Variants in PRSS3 observed in about 807,000 individuals in gnomAD.
PRSS3 encodes trypsin-3.
PRSS3 carries 14 observed loss-of-function variants against 20.8 expected under a neutral mutation model. The observed-to-expected ratio is 0.67, with a 90% CI of 0.44 to 1.05. The LOEUF (loss-of-function observed/expected upper bound fraction) is 1.05. PRSS3 is among the 50% of genes least tolerant of loss of function. The pLI, the probability that PRSS3 is intolerant of heterozygous loss-of-function variation, is 0.00. For missense variants in PRSS3, 237 were observed against 306.4 expected, an observed-to-expected ratio of 0.77 and a Z score of 1.69; for synonymous variants, 91 against 117.6, an observed-to-expected ratio of 0.77 and a Z score of 1.46.
intron 1 of PRSS3, among the ~76,000 whole-genome samples, chr9:33,777,398 T>C (rs1823978779): frequency 6.7e-6 from 1 of 150,124 alleles, no homozygotes; most frequent in Non-Finnish European, 1.5e-5. Context: ...TAGTAAAGAG[T>C]CTTAGGTCGA....
chr9:33,792,335 G>A (rs1824670140), upstream of PRSS3, among the ~76,000 whole-genome samples: 1 of 150,156 alleles, frequency 6.7e-6, no homozygotes, highest in Non-Finnish European at 1.5e-5. Flanking sequence ...AGAAGAAAGT[G>A]TTAAAAAAAA....
chr9:33,751,052 T>C (rs1489041190), intron 1 of PRSS3, among the ~76,000 whole-genome samples: 1 of 152,020 alleles, frequency 6.6e-6, no homozygotes, highest in East Asian at 1.9e-4. Flanking sequence ...GGCCCTGGAA[T>C]GAATATTGCT....
At chr9:33,777,094 A>G (rs1823967920) in intron 1 of PRSS3, among the ~76,000 whole-genome samples, 1 of 152,178 alleles carries the variant, frequency 6.6e-6, no homozygotes, top group South Asian at 2.1e-4. Context: ...AATAATGATA[A>G]TTTTTCCTTT....
chr9:33,759,959 G>C (rs1823114041), intron 1 of PRSS3, among the ~76,000 whole-genome samples: 1 of 152,220 alleles, frequency 6.6e-6, no homozygotes, highest in Non-Finnish European at 1.5e-5. Flanking sequence ...GAGTCTGTCT[G>C]TAAGCTTGAG....
chr9:33,798,307 G>A, intron 3 of PRSS3, 179 bp from the exon 4 acceptor site: 2 of 1,254,104 alleles, frequency 1.6e-6, no homozygotes, highest in Non-Finnish European at 2.2e-6. Flanking sequence ...TCACGTCTTG[G>A]GAGGGGTTCA....
chr9:33,761,413 A>G (rs1823197646), intron 1 of PRSS3, among the ~76,000 whole-genome samples: 1 of 152,192 alleles, frequency 6.6e-6, no homozygotes, highest in South Asian at 2.1e-4. Context: ...TGCATTAAAC[A>G]TACGGTATTA....
intron 1 of PRSS3, among the ~76,000 whole-genome samples, chr9:33,768,934 T>C (rs1460012378): frequency 6.6e-6 from 1 of 152,166 alleles, no homozygotes; most frequent in Admixed American, 6.5e-5. Context: ...AGGAACAGCA[T>C]GTTGGTTGAA....
In PRSS3 at chr9:33,769,753, C is replaced by T. The variant is rs551428778; in HGVS notation, c.-53+19026C>T. 3.0e-4 allele frequency among the ~76,000 whole-genome samples: 45 copies of T among 152,306 alleles called. 1 individual carries two copies. The highest frequency in any genetic ancestry group is 3.4e-3 in the Middle Eastern group (1 of 294). On this transcript the variant is annotated intron_variant, in intron 1 of 5. Transcript: ENST00000342836. ...TTCAGCAGGCCAGGATGCCCCAGCC[C>T]AGGACCAAGGGGTGGGGCCACCATT...
At chr9:33,765,627 T>G (rs1378895200) in intron 1 of PRSS3, among the ~76,000 whole-genome samples, 3 of 152,192 alleles carry the variant, frequency 2.0e-5, no homozygotes, top group Non-Finnish European at 4.4e-5. Flanking sequence ...TGACTAATGG[T>G]TATGCTGGAG....
Position 33,799,056 on chromosome 9 carries a change from A to G in PRSS3, c.620A>G (p.Asn207Ser), listed in dbSNP as rs568004085. ...GACTCTGGTGGCCCTGTGGTCTGCA[A>G]CGGACAGCTCCAAGGAGTTGTCTCC... is the stretch of plus-strand genomic sequence containing the variant. ...QRDSGGPVVC[N>S]GQLQGVVSWG... The change falls in exon 5 of 5, where the codon AAC becomes AGC. Residue 207 changes from asparagine (N) to serine (S), a missense_variant. Transcript: ENST00000379405. The G allele has an allele frequency of 1.1e-5, 17 of 1,614,220 alleles. No individual in the cohort carries two copies. In the South Asian group the frequency reaches 1.3e-4, roughly 13 times the overall value.
chr9:33,773,011 T>A (rs1411347627), intron 1 of PRSS3, among the ~76,000 whole-genome samples: 1 of 152,246 alleles, frequency 6.6e-6, no homozygotes, highest in Non-Finnish European at 1.5e-5. Context: ...TTTGTTTTTT[T>A]AAAGCACCGT....
chr9:33,762,726 T>G (rs889690668), intron 1 of PRSS3, among the ~76,000 whole-genome samples: 1 of 152,186 alleles, frequency 6.6e-6, no homozygotes, highest in African/African-American at 2.4e-5. Flanking sequence ...GCCACTGCCC[T>G]CTCTAGGATT....
chr9:33,780,909 G>A (rs1824156739), intron 1 of PRSS3, among the ~76,000 whole-genome samples: 1 of 152,174 alleles, frequency 6.6e-6, no homozygotes, highest in Non-Finnish European at 1.5e-5. Context: ...CCTATGAAAA[G>A]ATTTAGACAA....
intron 1 of PRSS3, among the ~76,000 whole-genome samples, chr9:33,769,174 T>TA (rs2118888083): frequency 6.6e-6 from 1 of 152,226 alleles, no homozygotes; most frequent in South Asian, 2.1e-4. Flanking sequence ...CTGCTCATAG[T>TA]AAAATATGAA....
intron 1 of PRSS3, among the ~76,000 whole-genome samples, chr9:33,766,692 T>G (rs1823447030): frequency 6.6e-6 from 1 of 152,020 alleles, no homozygotes; most frequent in South Asian, 2.1e-4. Context: ...ATGATTTAAT[T>G]TATATAAACT....
chr9:33,754,254 T>C (rs1273817937), intron 1 of PRSS3, among the ~76,000 whole-genome samples: 1 of 151,952 alleles, frequency 6.6e-6, no homozygotes, highest in East Asian at 2.0e-4. Context: ...GTATTTTTAG[T>C]AGAGACGGGG....
At chr9:33,753,637 TCTAA>T (rs1196636331) in intron 1 of PRSS3, among the ~76,000 whole-genome samples, 1 of 152,234 alleles carries the variant, frequency 6.6e-6, no homozygotes, top group East Asian at 1.9e-4. Flanking sequence ...TAACTTCTGT[TCTAA>T]CTGTTCTCCT....
upstream of PRSS3, chr9:33,794,669 C>A: frequency 7.0e-7 from 1 of 1,437,104 alleles, no homozygotes; most frequent in East Asian, 2.5e-5. Flanking sequence ...ACTCTGACAT[C>A]TGATCAGGGG....
At position 33,767,395 on chromosome 9, in the gene PRSS3, C is replaced by T. The variant is rs1587376250; in HGVS notation, c.-53+16668C>T. 3.3e-5 allele frequency among the ~76,000 whole-genome samples: 5 copies of T among 152,202 alleles called. No individual in the cohort carries two copies. In the South Asian group the frequency reaches 1.0e-3, roughly 31 times the overall value. On this transcript the variant is annotated intron_variant, in intron 1 of 5. Transcript: ENST00000342836. ...GGGCAGAATTTTGTCTCCCCCACCT[C>T]CAAGTGTATGTGATGAAGTCCTCAC...
Sources: allele counts gnomAD v4.1 joint callset (sites outside exome capture counted in the v4.1 genomes callset), GRCh38; gene constraint gnomAD v4.1.1; transcripts MANE v1.5; gene names NCBI Gene and HGNC (gene_info 2026-07-23, HGNC 2026-07-21).